SCARB1: variants seen among roughly 807,000 people sequenced by gnomAD.
SCARB1 encodes the protein CD36 and LIMPII analogous 1.
Under a neutral mutation model 57.2 loss-of-function variants are expected in SCARB1, and 30 were observed. The ratio of observed to expected loss-of-function variants is 0.52; its 90% confidence interval spans 0.39 to 0.71. The LOEUF (loss-of-function observed/expected upper bound fraction) is 0.71. Ranked by LOEUF, SCARB1 falls within the 30% of genes least tolerant of loss-of-function variation. The pLI is 0.00. For missense variants in SCARB1, 543 were observed against 671.2 expected (o/e 0.81, Z 2.11); for synonymous variants, 249 against 268.3 (o/e 0.93, Z 0.70).
chr12:124,830,611 A>G lies in SCARB1; in HGVS notation c.127-12904T>C, dbSNP rs185593851. Among the ~76,000 whole-genome samples the G allele has an allele frequency of 3.6e-4, 55 of 151,986 alleles. 1 individual carries two copies. Among genetic ancestry groups the G allele is most frequent in the Non-Finnish European group, 7.4e-4 (50 of 67,988 alleles). On this transcript the variant is annotated intron_variant, in intron 1 of 12. Coordinates refer to ENST00000261693, the MANE Select transcript of SCARB1 (RefSeq NM_005505.5). ...TCCCGGGGAATGGCAAAACCAATCC[A>G]TGGGGATAGAGGTGGGGGCAGCAGG...
At position 124,836,469 on chromosome 12, in the gene SCARB1, C is replaced by T. The variant is rs961361249; in HGVS notation, c.127-18762G>A. Among the ~76,000 whole-genome samples the T allele has an allele frequency of 7.9e-5, 12 of 152,198 alleles. No individual in the cohort carries two copies. The East Asian group carries it at 2.3e-3, about 29-fold the overall frequency. The stretch of plus-strand genomic sequence containing the variant: ...TATGTTGTTTCCAGCTCAAAGCATC[C>T]CATTTAAAGCAATGCTTTCATTTAT... On this transcript the variant is annotated intron_variant, in intron 1 of 12. Transcript: ENST00000261693.
At chr12:124,852,024 A>G (rs1171900747) in intron 1 of SCARB1, among the ~76,000 whole-genome samples, 1 of 152,028 alleles carries the variant, frequency 6.6e-6, no homozygotes, top group Non-Finnish European at 1.5e-5. Context: ...CATCCAAGAC[A>G]CCTGATGGGA....
At chr12:124,835,963 T>G (rs1368563849) in intron 1 of SCARB1, among the ~76,000 whole-genome samples, 1 of 152,356 alleles carries the variant, frequency 6.6e-6, no homozygotes, top group Middle Eastern at 3.4e-3. Flanking sequence ...CCTTCCCCCA[T>G]GTATGTTCCT....
chr12:124,808,067 C>T (rs761426077), intron 6 of SCARB1, 140 bp from the exon 7 acceptor site: 5 of 791,090 alleles, frequency 6.3e-6, no homozygotes, highest in Non-Finnish European at 1.1e-5. Context: ...CATCTCTCAC[C>T]CGCGGAGCTG....
intron 1 of SCARB1, among the ~76,000 whole-genome samples, chr12:124,856,063 G>A (rs1189867755): frequency 6.6e-6 from 1 of 152,266 alleles, no homozygotes; most frequent in Non-Finnish European, 1.5e-5. Context: ...CGGAGGCACA[G>A]CAAGTACCGG....
chr12:124,787,195 C>T (rs1013348770), intron 10 of SCARB1, among the ~76,000 whole-genome samples: 2 of 152,154 alleles, frequency 1.3e-5, no homozygotes, highest in African/African-American at 2.4e-5. Flanking sequence ...TCTGTCTTCC[C>T]CATCTCTAGG....
At position 124,822,498 on chromosome 12, in the gene SCARB1, G is replaced by A. The variant is rs947604375; in HGVS notation, c.127-4791C>T. 8.5e-5 allele frequency among the ~76,000 whole-genome samples: 13 copies of A among 152,196 alleles called. No individual in the cohort carries two copies. Among genetic ancestry groups the A allele is most frequent in the Admixed American group, 2.6e-4 (4 of 15,274 alleles). Reference sequence around the variant, plus strand: ...GAGAGAAGCCAGACCAGTGGCTGCCGGGGACCGGGATGGAGGGAGGGGACT... The same window carrying A: ...GAGAGAAGCCAGACCAGTGGCTGCCAGGGACCGGGATGGAGGGAGGGGACT... On this transcript the variant is annotated intron_variant, in intron 1 of 12. Transcript: ENST00000261693. This position sits in a 1 kb window ranked among gnomAD's most constrained non-coding sequence, Gnocchi z 5.0.
chr12:124,798,152 T>C (rs374877875), intron 8 of SCARB1, among the ~76,000 whole-genome samples: 4 of 152,272 alleles, frequency 2.6e-5, no homozygotes, highest in East Asian at 1.9e-4. Context: ...GGCTCACGCC[T>C]GGAATCCCAG....
chr12:124,850,752 TA>T (rs1952362297), intron 1 of SCARB1, among the ~76,000 whole-genome samples: 1 of 152,212 alleles, frequency 6.6e-6, no homozygotes, highest in Non-Finnish European at 1.5e-5. Flanking sequence ...GAGGCCTTGG[TA>T]AACAGAATAG....
chr12:124,857,721 G>A lies in SCARB1; in HGVS notation c.126+5874C>T, dbSNP rs188825036. The stretch of plus-strand genomic sequence containing the variant: ...GAAGGTTTTTGCCTCTACCCCAGGG[G>A]AAACAAAAGGAGGTGCCGTTTATTG... On this transcript the variant is annotated intron_variant, in intron 1 of 12. Coordinates refer to ENST00000261693, the MANE Select transcript of SCARB1 (RefSeq NM_005505.5). Among the ~76,000 whole-genome samples the A allele has an allele frequency of 3.2e-3, 487 of 152,326 alleles. 4 individuals are homozygous for A. Among genetic ancestry groups the A allele is most frequent in the African/African-American group, 0.011 (474 of 41,578 alleles).
chr12:124,841,339 TCC>T (rs1328170811), intron 1 of SCARB1, among the ~76,000 whole-genome samples: 3 of 129,162 alleles, frequency 2.3e-5, no homozygotes, highest in Non-Finnish European at 4.7e-5. Context: ...GCCACTGCAC[TCC>T]CCCGCCTGGG....
intron 1 of SCARB1, among the ~76,000 whole-genome samples, chr12:124,819,941 C>G (rs1271864569): frequency 6.6e-6 from 1 of 152,236 alleles, no homozygotes; most frequent in Non-Finnish European, 1.5e-5. Context: ...TCTAGTTTGA[C>G]CTACGTGGCG....
At chr12:124,837,361 A>G (rs1472732250) in intron 1 of SCARB1, among the ~76,000 whole-genome samples, 1 of 151,816 alleles carries the variant, frequency 6.6e-6, no homozygotes, top group Non-Finnish European at 1.5e-5. Context: ...CCTGATGCCT[A>G]TTTCTACTCA....
intron 1 of SCARB1, among the ~76,000 whole-genome samples, chr12:124,826,197 G>T (rs1431162010): frequency 6.6e-6 from 1 of 151,888 alleles, no homozygotes; most frequent in Non-Finnish European, 1.5e-5. Flanking sequence ...CAGGCACAGT[G>T]GCGCGCACCT....
chr12:124,821,439 CAAG>C, intron 1 of SCARB1: 1 of 985,224 alleles, frequency 1.0e-6, no homozygotes, highest in Non-Finnish European at 1.2e-6. Context: ...AGGGCTAAAC[CAAG>C]AAGTCATGGG....
In SCARB1 at chr12:124,800,172, G is replaced by A. The variant is rs770104612; in HGVS notation, c.1080C>T (p.Gly360=). ...ADPVLAEAVT[G]LHPNQEAHSL... ...AGTGTGCCTCCTGGTTAGGGTGCAG[G>A]CCAGTCACCGCTTCTGCCAGAACCG... The change falls in exon 8 of 13, where the codon GGC becomes GGT. Residue 360 remains glycine, a synonymous_variant. Coordinates refer to ENST00000261693, the MANE Select transcript of SCARB1 (RefSeq NM_005505.5). This position sits in a 1 kb window ranked among gnomAD's most constrained non-coding sequence, Gnocchi z 4.8. 1.9e-6 allele frequency: 3 copies of A among 1,614,078 alleles called. No homozygotes were observed. The highest frequency in any genetic ancestry group is 2.5e-6 in the Non-Finnish European group (3 of 1,179,958).
chr12:124,814,275 G>T lies in SCARB1; in HGVS notation c.557C>A (p.Pro186His). 6.2e-7 allele frequency: 1 copy of T among 1,614,172 alleles called. No individual in the cohort carries two copies. Among genetic ancestry groups the T allele is most frequent in the Non-Finnish European group, 8.5e-7 (1 of 1,180,008 alleles). ...VGEIMWGYKD[P>H]LVNLINKYFP... ...GTACTTGTTGATGAGATTCACAAGG[G>T]GGTCCTTGTAGCCCCACATGATCTC... is the stretch of plus-strand genomic sequence containing the variant. The change falls in exon 4 of 13, where the codon CCC becomes CAC. Residue 186 changes from proline to histidine, a missense_variant. Transcript: ENST00000261693. This position sits in a 1 kb window ranked among gnomAD's most constrained non-coding sequence, Gnocchi z 4.7.
intron 9 of SCARB1, among the ~76,000 whole-genome samples, chr12:124,794,185 G>C (rs1949841762): frequency 6.6e-6 from 1 of 152,142 alleles, no homozygotes; most frequent in East Asian, 1.9e-4. Flanking sequence ...TTCTTTTGGG[G>C]ATGATGAAAA....
chr12:124,834,416 G>A (rs1176682155), intron 1 of SCARB1, among the ~76,000 whole-genome samples: 2 of 152,238 alleles, frequency 1.3e-5, no homozygotes, highest in East Asian at 1.9e-4. Context: ...CTGAGGGTCC[G>A]GGCAGAGCCT....
Sources: gnomAD v4.1 joint callset for allele counts (sites outside exome capture counted in the v4.1 genomes callset) on GRCh38, gnomAD v4.1.1 for gene constraint, Gnocchi (gnomAD v3.1) non-coding constraint, MANE v1.5 for transcripts, NCBI Gene and HGNC (gene_info 2026-07-23, HGNC 2026-07-21) for gene names.